Variants in NSUN7 observed in about 807,000 individuals in gnomAD.
NSUN7 encodes NOP2/Sun RNA methyltransferase family member 7.
In NSUN7, 39 loss-of-function variants were observed where a neutral mutation model predicts 58.5. That is an observed-to-expected ratio of 0.67 (90% CI 0.52 to 0.87). NSUN7 has a LOEUF of 0.87. Ranked by LOEUF, NSUN7 falls within the 40% of genes least tolerant of loss-of-function variation. The pLI is 0.00. For missense variants in NSUN7, 765 were observed against 844.1 expected (o/e 0.91, Z 1.16); for synonymous variants, 278 against 303.7 (o/e 0.92, Z 0.88).
rs1357689158 is a variant in NSUN7, at chr4:40,750,662, G to A, written c.-32G>A. ...TGGAACATCGGAATTCTAACCCCAG[G>A]GTGAAGGACTCACGACAGGCGAGGG... On this transcript the variant is annotated 5_prime_UTR_variant, in exon 2 of 12. Coordinates refer to ENST00000381782, the MANE Select transcript of NSUN7 (RefSeq NM_024677.6). 3 of 1,604,378 alleles carry A rather than the reference G, an allele frequency of 1.9e-6. No homozygotes were observed. Among genetic ancestry groups the A allele is most frequent in the Non-Finnish European group, 2.6e-6 (3 of 1,174,272 alleles).
chr4:40,770,225 A>G (rs1741932423), intron 4 of NSUN7, among the ~76,000 whole-genome samples: 1 of 152,002 alleles, frequency 6.6e-6, no homozygotes, highest in South Asian at 2.1e-4. Context: ...AAAAAAAAAA[A>G]AAAAGAAATT....
rs748293789 is a variant in NSUN7 at position 40,750,984 on chromosome 4, C to T, written c.291C>T (p.Ala97=). ...TGTCTTATGAGCTGGCTTTCAGTGCCCTGAAATGTGAGTTGTGCCAGTCTG... is the reference window on the plus strand; with the variant it reads ...TGTCTTATGAGCTGGCTTTCAGTGCTCTGAAATGTGAGTTGTGCCAGTCTG... ...QRLSYELAFS[A]LKYQDILETI... The change falls in exon 2 of 12, where the codon GCC becomes GCT. Residue 97 remains alanine, a synonymous_variant. Coordinates refer to ENST00000381782, the MANE Select transcript of NSUN7 (RefSeq NM_024677.6). 32 of 1,612,976 alleles carry T rather than the reference C, an allele frequency of 2.0e-5. 3 individuals are homozygous for T. The South Asian group carries it at 3.2e-4, about 16-fold the overall frequency.
intron 5 of NSUN7, 86 bp from the exon 6 acceptor site, chr4:40,774,681 C>T: frequency 1.1e-6 from 1 of 869,708 alleles, no homozygotes; most frequent in Non-Finnish European, 1.8e-6. Context: ...TGATATTTTT[C>T]TTTGTTACAG....
chr4:40,757,937 G>A (rs756048628), intron 2 of NSUN7, among the ~76,000 whole-genome samples: 2 of 72,782 alleles, frequency 2.7e-5, no homozygotes, highest in Admixed American at 1.6e-4. Context: ...TTTGTTTTTG[G>A]GCAACGGAGT....
intron 7 of NSUN7, among the ~76,000 whole-genome samples, chr4:40,788,151 G>T (rs2154288480): frequency 6.6e-6 from 1 of 152,290 alleles, no homozygotes; most frequent in Non-Finnish European, 1.5e-5. Context: ...CTCTTCCTGA[G>T]ATGGGAAAGA....
intron 7 of NSUN7, chr4:40,786,624 A>G: frequency 3.1e-6 from 5 of 1,612,248 alleles, no homozygotes; most frequent in South Asian, 2.2e-5. Context: ...GTGCAATCAT[A>G]GGAGATGGCC....
At chr4:40,774,468 A>G (rs1414190075) in intron 5 of NSUN7, 51 bp downstream of exon 5, 1 of 1,559,474 alleles carries the variant, frequency 6.4e-7, no homozygotes, top group Non-Finnish European at 8.8e-7. Flanking sequence ...TCCTTTTAAA[A>G]TAATGTGATG....
At chr4:40,761,358 GGT>G in intron 4 of NSUN7, 57 bp downstream of exon 4, 3 of 1,376,822 alleles carry the variant, frequency 2.2e-6, no homozygotes, top group Non-Finnish European at 3.0e-6. Flanking sequence ...TATTGTTATT[GGT>G]AAAATTACAT....
rs1742821144 is a variant in NSUN7 at position 40,786,277 on chromosome 4, A to G, written c.1037-4325A>G. The G allele has an allele frequency of 3.7e-6, 6 of 1,613,728 alleles. No homozygotes were observed. The African/African-American group carries it at 5.3e-5, about 14-fold the overall frequency. ...TACCGTACCTACCAAAGGATTTAACACTGAGAAAATTAAGGTAACCTTGGG... is the reference window on the plus strand; with the variant it reads ...TACCGTACCTACCAAAGGATTTAACGCTGAGAAAATTAAGGTAACCTTGGG... On this transcript the variant is annotated intron_variant, in intron 7 of 11. Coordinates refer to ENST00000381782, the MANE Select transcript of NSUN7 (RefSeq NM_024677.6).
At chr4:40,761,041 C>A in intron 3 of NSUN7, 130 bp from the exon 4 acceptor site, 1 of 681,388 alleles carries the variant, frequency 1.5e-6, no homozygotes, top group Non-Finnish European at 2.4e-6. Context: ...CTTCCCAATC[C>A]AATCAGACTA....
intron 8 of NSUN7, among the ~76,000 whole-genome samples, chr4:40,793,625 A>G (rs1743195971): frequency 6.6e-6 from 1 of 152,216 alleles, no homozygotes; most frequent in Non-Finnish European, 1.5e-5. Context: ...GAGAGGCAGT[A>G]TAATACAGAG....
intron 4 of NSUN7, among the ~76,000 whole-genome samples, chr4:40,767,986 A>T (rs1741816303): frequency 6.6e-6 from 1 of 152,100 alleles, no homozygotes; most frequent in African/African-American, 2.4e-5. Context: ...TGTGAGAGGA[A>T]ATTCGATTGC....
chr4:40,775,146 A>T lies in NSUN7; in HGVS notation c.825+196A>T. 3.4e-6 allele frequency: 1 copy of T among 294,442 alleles called. No individual in the cohort carries two copies. The highest frequency in any genetic ancestry group is 6.2e-6 in the Non-Finnish European group (1 of 160,084). The allele number at this position is 294,442 out of a possible 1,614,324, so 18.2% of individuals were successfully genotyped here. ...CTGGTTGGCGTCTTTGTCTCATGTG[A>T]ATTTATAAAGAACATATTCTTCTCC... On this transcript the variant is annotated intron_variant, in intron 6 of 11. Coordinates refer to ENST00000381782, the MANE Select transcript of NSUN7 (RefSeq NM_024677.6). This position sits in a 1 kb window ranked among gnomAD's most constrained non-coding sequence, Gnocchi z 4.3.
chr4:40,790,715 C>A lies in NSUN7; in HGVS notation c.1150C>A (p.Pro384Thr), dbSNP rs369225152. 5 of 1,583,028 alleles carry A rather than the reference C, an allele frequency of 3.2e-6. No homozygotes were observed. The highest frequency in any genetic ancestry group is 4.3e-6 in the Non-Finnish European group (5 of 1,169,216). Residue 384 changes from proline to threonine, a missense_variant, in exon 8 of 12, where the codon CCA (proline) becomes ACA (threonine). Physicochemically the swap from Pro to Thr is conservative, Grantham distance 38. Coordinates refer to ENST00000381782, the MANE Select transcript of NSUN7 (RefSeq NM_024677.6). Reference protein sequence around the residue: ...PRCSGLGVSNPVEFILNEHED... With the variant: ...PRCSGLGVSNTVEFILNEHED... ...TTGTTCAGGACTGGGTGTTAGTAAT[C>A]CAGTAGAATTTATTTTAAATGAACA... is the stretch of plus-strand genomic sequence containing the variant.
At chr4:40,771,483 GA>G (rs1240899023) in intron 4 of NSUN7, among the ~76,000 whole-genome samples, 1 of 151,988 alleles carries the variant, frequency 6.6e-6, no homozygotes, top group Admixed American at 6.6e-5. Flanking sequence ...AGATAATTGA[GA>G]GAGAGAGAAT....
chr4:40,792,182 G>C lies in NSUN7; in HGVS notation c.1180+1437G>C, dbSNP rs1262002450. Among the ~76,000 whole-genome samples, 6 of 152,126 alleles carry C rather than the reference G, an allele frequency of 3.9e-5. 1 individual carries two copies. Among genetic ancestry groups the C allele is most frequent in the Admixed American group, 1.3e-4 (2 of 15,276 alleles). On this transcript the variant is annotated intron_variant, in intron 8 of 11. Transcript: ENST00000381782. ...CAATTAGTAGACACTGAAAGAAAAG[G>C]GGGAAGGAAAAAAGGGGGAAGAAAT...
At position 40,757,617 on chromosome 4, in the gene NSUN7, GTA is replaced by G. The variant is rs569038204; in HGVS notation, c.299-2806_299-2805del. Among the ~76,000 whole-genome samples the G allele has an allele frequency of 2.6e-3, 363 of 141,456 alleles. 1 individual carries two copies. Among genetic ancestry groups the G allele is most frequent in the African/African-American group, 8.8e-3 (331 of 37,546 alleles). The allele number at this position is 141,456 out of a possible 152,430, so 92.8% of individuals were successfully genotyped here. ...TTGTGTGTATATATATACATTGTGT[GTA>G]TATATATATACATTGTGTGTATATA... On this transcript the variant is annotated intron_variant, in intron 2 of 11. Transcript: ENST00000381782.
At chr4:40,808,208 A>G (rs1441208706) in intron 11 of NSUN7, 99 bp from the exon 12 acceptor site, 11 of 1,337,900 alleles carry the variant, frequency 8.2e-6, no homozygotes, top group African/African-American at 1.5e-5. Context: ...TAGTATAATA[A>G]AGAGAGTCTT....
At position 40,794,876 on chromosome 4, in the gene NSUN7, G is replaced by C. The variant is rs183991261; in HGVS notation, c.1282+400G>C. On this transcript the variant is annotated intron_variant, in intron 9 of 11. Coordinates refer to ENST00000381782, the MANE Select transcript of NSUN7 (RefSeq NM_024677.6). The stretch of plus-strand genomic sequence containing the variant: ...TTTAGTCAAACTCTTATTTCTCTTA[G>C]TGCTAAGTAGAGAACAGAGAGGTGC... Among the ~76,000 whole-genome samples the C allele has an allele frequency of 2.4e-3, 365 of 152,152 alleles. 2 individuals carry two copies. Among genetic ancestry groups the C allele is most frequent in the African/African-American group, 8.1e-3 (338 of 41,520 alleles).
Sources: allele counts gnomAD v4.1 joint callset (sites outside exome capture counted in the v4.1 genomes callset), GRCh38; gene constraint gnomAD v4.1.1; non-coding constraint Gnocchi (gnomAD v3.1); transcripts MANE v1.5; gene names NCBI Gene and HGNC (gene_info 2026-07-23, HGNC 2026-07-21).